The following SPEN variants were observed in gnomAD, a reference collection of about 807,000 sequenced individuals.
The protein encoded by SPEN is spen family transcriptional repressor.
A neutral mutation model predicts 269.9 loss-of-function variants in SPEN; 18 were observed. That is an observed-to-expected ratio of 0.07 (90% confidence interval 0.05 to 0.10). SPEN has a LOEUF of 0.10. SPEN is among the 10% of genes least tolerant of loss of function. SPEN has a pLI of 1.00. For synonymous variants in SPEN, 1,726 were observed against 1,765.7 expected (o/e 0.98, Z 0.56); for missense variants, 3,822 against 4,631.2 (o/e 0.83, Z 5.07).
At chr1:15,884,225 AG>A (rs1417276788) in intron 3 of SPEN, among the ~76,000 whole-genome samples, 2 of 152,254 alleles carry the variant, frequency 1.3e-5, no homozygotes, top group African/African-American at 4.8e-5. Context: ...GAAAGTCTGC[AG>A]TCTAATAAGA....
chr1:15,899,314 A>G (rs532206282), intron 3 of SPEN, among the ~76,000 whole-genome samples: 1 of 152,182 alleles, frequency 6.6e-6, no homozygotes, highest in South Asian at 2.1e-4. Flanking sequence ...AGCTGGGACT[A>G]CAGGCACATA....
chr1:15,894,054 A>G (rs1376220002), intron 3 of SPEN, among the ~76,000 whole-genome samples: 2 of 152,208 alleles, frequency 1.3e-5, no homozygotes, highest in Non-Finnish European at 2.9e-5. Context: ...AAATTTGCTT[A>G]TGGGTTTGGT....
chr1:15,882,972 G>A (rs2070701978), intron 3 of SPEN, among the ~76,000 whole-genome samples: 1 of 152,164 alleles, frequency 6.6e-6, no homozygotes, highest in Non-Finnish European at 1.5e-5. Flanking sequence ...TCCCTCCTCA[G>A]CAGGAAACCC....
rs1569953459 is a variant in SPEN, at chr1:15,848,317, G to A, written c.83+167G>A. ...CGCTCGGCCCGCGTCGCGGCGTTGG[G>A]CCTCGGGTGTCGGCGGTGCGGGCGG... On this transcript the variant is annotated intron_variant, in intron 1 of 14. Coordinates refer to ENST00000375759, the MANE Select transcript of SPEN (RefSeq NM_015001.3). The surrounding 1 kb of genome is among the most constrained non-coding windows in gnomAD (Gnocchi z 5.1). Among the ~76,000 whole-genome samples the A allele has an allele frequency of 6.6e-6, 1 of 151,338 alleles. No individual in the cohort carries two copies. Among genetic ancestry groups the A allele is most frequent in the East Asian group, 1.9e-4 (1 of 5,162 alleles).
intron 5 of SPEN, among the ~76,000 whole-genome samples, chr1:15,913,796 G>A (rs1037616672): frequency 2.6e-5 from 4 of 152,004 alleles, no homozygotes; most frequent in Non-Finnish European, 4.4e-5. Context: ...GTTTGAGGCT[G>A]CAGTAAGCTA....
In SPEN at chr1:15,930,974, A is replaced by G. The variant is rs2071214418; in HGVS notation, c.4734A>G (p.Glu1578=). ...ACAGCACAACTGATTCCATTCAAGA[A>G]CCAGTAGTTCTGTTCCATAGCAGAT... ...GANSTTDSIQ[E]PVVLFHSRFM... is the part of the protein sequence containing the mutation. The change falls in exon 11 of 15, where the codon GAA becomes GAG. Residue 1578 remains glutamate (E), a synonymous_variant. Coordinates refer to ENST00000375759, the MANE Select transcript of SPEN (RefSeq NM_015001.3). This position sits in a 1 kb window ranked among gnomAD's most constrained non-coding sequence, Gnocchi z 5.3. 1 of 1,614,188 alleles carries G rather than the reference A, an allele frequency of 6.2e-7. No homozygotes were observed. The highest frequency in any genetic ancestry group is 1.1e-5 in the South Asian group (1 of 91,084).
rs1279191636 is a variant in SPEN, at chr1:15,938,866, G to A, written c.10853G>A (p.Gly3618Asp). 8 of 1,613,576 alleles carry A rather than the reference G, an allele frequency of 5.0e-6. No homozygotes were observed. Among genetic ancestry groups the A allele is most frequent in the Non-Finnish European group, 6.8e-6 (8 of 1,179,918 alleles). Residue 3618 changes from glycine (G) to aspartate (D), a missense_variant, in exon 14 of 15, where the codon GGC becomes GAC. Gly to Asp is a moderately conservative substitution (Grantham distance 94, BLOSUM62 -1). Around this residue, in one of 16 missense-constraint regions of SPEN, gnomAD observed 103 missense variants for 215.8 expected, o/e 0.48. Coordinates refer to ENST00000375759, the MANE Select transcript of SPEN (RefSeq NM_015001.3). ...GGGATCATCAACGTTCCCAACCCTG[G>A]CTCCAATCAGGTCGGTTGTCCTGTG... Reference protein sequence around the residue: ...AAGIINVPNPGSNQPAYVLQI... With the variant: ...AAGIINVPNPDSNQPAYVLQI...
At chr1:15,888,701 C>T (rs998155065) in intron 3 of SPEN, among the ~76,000 whole-genome samples, 8 of 150,848 alleles carry the variant, frequency 5.3e-5, no homozygotes, top group African/African-American at 1.5e-4. Flanking sequence ...GGCGCGATCT[C>T]GGCTCACCGC....
Position 15,872,830 on chromosome 1 carries a change from A to G in SPEN, c.98A>G (p.Glu33Gly). 1 of 1,495,106 alleles carries G rather than the reference A, an allele frequency of 6.7e-7. No homozygotes were observed. Among genetic ancestry groups the G allele is most frequent in the Non-Finnish European group, 9.0e-7 (1 of 1,115,212 alleles). The allele number at this position is 1,495,106 out of a possible 1,614,324, so 92.6% of individuals were successfully genotyped here. Reference protein sequence around the residue: ...IEHFKRYGRVESVKILPKRGS... With the variant: ...IEHFKRYGRVGSVKILPKRGS... ...ATTTTTTCCAGATATGGCCGCGTGG[A>G]AAGTGTCAAAATTCTTCCCAAGAGG... Residue 33 changes from glutamate to glycine, a missense_variant, in exon 2 of 15, where the codon GAA becomes GGA. This residue lies in a region of SPEN where 51 missense variants were observed against 56.1 expected (regional missense o/e 0.91). Coordinates refer to ENST00000375759, the MANE Select transcript of SPEN (RefSeq NM_015001.3).
Position 15,933,119 on chromosome 1 carries a change from C to T in SPEN, c.6879C>T (p.Ala2293=), listed in dbSNP as rs1180368062. Residue 2293 remains alanine, a synonymous_variant, in exon 11 of 15, where the codon GCC becomes GCT. Transcript: ENST00000375759. The surrounding 1 kb of genome is among the most constrained non-coding windows in gnomAD (Gnocchi z 5.7). ...RPPVNAPDPS[A]GPTDTKEARG... is the part of the protein sequence containing the mutation. ...CAGTCAATGCTCCTGACCCCTCAGC[C>T]GGCCCAACAGATACCAAGGAAGCCA... 1.9e-5 allele frequency: 31 copies of T among 1,614,062 alleles called. No homozygotes were observed. Among genetic ancestry groups the T allele is most frequent in the South Asian group, 5.5e-5 (5 of 91,080 alleles).
At chr1:15,871,403 C>T (rs937165069) in intron 1 of SPEN, among the ~76,000 whole-genome samples, 1 of 152,014 alleles carries the variant, frequency 6.6e-6, no homozygotes, top group South Asian at 2.1e-4. Context: ...TGCAGTGGCA[C>T]GATCTTGGCA....
intron 1 of SPEN, among the ~76,000 whole-genome samples, chr1:15,856,320 C>G (rs993360997): frequency 6.6e-6 from 1 of 151,780 alleles, no homozygotes; most frequent in Non-Finnish European, 1.5e-5. Context: ...AAGACCTCAT[C>G]GATCAGAATT....
In SPEN at chr1:15,896,187, C is replaced by CTTTT. The variant is rs34846762; in HGVS notation, c.882-13109_882-13106dup. On this transcript the variant is annotated intron_variant, in intron 3 of 14. Transcript: ENST00000375759. ...ATTATTGTGTTTGATTTTACCATCA[C>CTTTT]TTTTTTTTTTTTTTTTTTTTTTTTT... Among the ~76,000 whole-genome samples, 16 of 69,208 alleles carry CTTTT rather than the reference C, an allele frequency of 2.3e-4. 2 individuals carry two copies. The highest frequency in any genetic ancestry group is 4.0e-4 in the South Asian group (1 of 2,504). 45.4% of individuals were successfully genotyped at this position (69,208 alleles called of 152,430 possible). A position where few individuals can be genotyped will look rare whatever the true frequency, so the allele number is the denominator to read the frequency against.
intron 1 of SPEN, among the ~76,000 whole-genome samples, chr1:15,867,456 C>A (rs994039996): frequency 2.6e-5 from 4 of 152,180 alleles, no homozygotes; most frequent in Non-Finnish European, 5.9e-5. Context: ...CCTTGGCTTC[C>A]TACAGTGCTG....
chr1:15,909,602 T>G, intron 4 of SPEN, 121 bp downstream of exon 4: 1 of 1,045,754 alleles, frequency 9.6e-7, no homozygotes, highest in Non-Finnish European at 1.4e-6. Flanking sequence ...TTCGAAATAT[T>G]AACGTTTTAA....
Position 15,937,737 on chromosome 1 carries a change from A to G in SPEN, c.10510-75A>G. On this transcript the variant is annotated intron_variant, in intron 12 of 14. Transcript: ENST00000375759. The surrounding 1 kb of genome is among the most constrained non-coding windows in gnomAD (Gnocchi z 5.7). ...TCCCTAGTTAACAGACCCACAAGCT[A>G]CAGCCTCTGGCTGTGTCCAGCATGG... 1.2e-6 allele frequency: 2 copies of G among 1,607,578 alleles called. No homozygotes were observed. The highest frequency in any genetic ancestry group is 1.7e-6 in the Non-Finnish European group (2 of 1,176,474).
At position 15,930,147 on chromosome 1, in the gene SPEN, A is replaced by G. The variant is rs915906347; in HGVS notation, c.3907A>G (p.Arg1303Gly). 6.2e-7 allele frequency: 1 copy of G among 1,614,234 alleles called. No homozygotes were observed. Among genetic ancestry groups the G allele is most frequent in the African/African-American group, 1.3e-5 (1 of 75,062 alleles). Residue 1303 changes from arginine (R) to glycine (G), a missense_variant, in exon 11 of 15, where the codon AGG (arginine) becomes GGG (glycine). Physicochemically the swap from Arg to Gly is moderately radical, Grantham distance 125. Around this residue, in one of 16 missense-constraint regions of SPEN, gnomAD observed 267 missense variants for 315.5 expected, o/e 0.85. Coordinates refer to ENST00000375759, the MANE Select transcript of SPEN (RefSeq NM_015001.3). The surrounding 1 kb of genome is among the most constrained non-coding windows in gnomAD (Gnocchi z 5.3). ...KVLPYSNITV[R>G]EESLKFNPYD... Reference sequence around the variant, plus strand: ...CCTCCCCTATTCTAACATAACAGTCAGGGAAGAGTCTTTAAAATTTAATCC... The same window carrying G: ...CCTCCCCTATTCTAACATAACAGTCGGGGAAGAGTCTTTAAAATTTAATCC...
intron 7 of SPEN, 86 bp downstream of exon 7, chr1:15,919,137 ATTAT>A (rs2071092682): frequency 1.7e-5 from 20 of 1,143,272 alleles, no homozygotes; most frequent in East Asian, 2.4e-5. Flanking sequence ...CATATGCCTT[ATTAT>A]TTAAGATCCT....
In SPEN at chr1:15,935,414, G is replaced by T; in HGVS notation, c.9174G>T (p.Leu3058=). 1.2e-6 allele frequency: 2 copies of T among 1,614,082 alleles called. No homozygotes were observed. Among genetic ancestry groups the T allele is most frequent in the Non-Finnish European group, 8.5e-7 (1 of 1,180,016 alleles). The change falls in exon 11 of 15, where the codon CTG becomes CTT. Residue 3058 remains leucine, a synonymous_variant. Coordinates refer to ENST00000375759, the MANE Select transcript of SPEN (RefSeq NM_015001.3). The surrounding 1 kb of genome is among the most constrained non-coding windows in gnomAD (Gnocchi z 7.7). ...TCTCCACCAACGCCACAGTCATGCT[G>T]GCTGCAGGCATCCCAGTGCCCCAGT... is the stretch of plus-strand genomic sequence containing the variant. ...TALSTNATVM[L]AAGIPVPQFI...
Sources: gnomAD v4.1 joint callset for allele counts (sites outside exome capture counted in the v4.1 genomes callset) on GRCh38, gnomAD v4.1.1 for gene constraint, gnomAD v4.1.1 regional missense constraint, Gnocchi (gnomAD v3.1) non-coding constraint, MANE v1.5 for transcripts, NCBI Gene and HGNC (gene_info 2026-07-23, HGNC 2026-07-21) for gene names.